The following ENOX1 variants were observed in gnomAD, a reference collection of about 807,000 sequenced individuals.
ENOX1 encodes candidate growth-related and time keeping constitutive hydroquinone (NADH) oxidase.
Under a neutral mutation model 82.5 loss-of-function variants are expected in ENOX1, and 42 were observed. The ratio of observed to expected loss-of-function variants is 0.51; its 90% confidence interval spans 0.40 to 0.66. The LOEUF is 0.66. Ranked by LOEUF, ENOX1 falls within the 30% of genes least tolerant of loss-of-function variation. ENOX1 has a pLI of 0.00. For synonymous variants in ENOX1, 271 were observed against 282.2 expected (o/e 0.96, Z 0.40); for missense variants, 608 against 811.6 (o/e 0.75, Z 3.05).
chr13:43,467,980 T>C (rs1340733965), intron 3 of ENOX1, among the ~76,000 whole-genome samples: 3 of 112,376 alleles, frequency 2.7e-5, no homozygotes, highest in African/African-American at 7.1e-5. Context: ...GCCACAGATA[T>C]AAGGTTTATT....
At chr13:43,443,611 C>T (rs1056829839) in intron 3 of ENOX1, among the ~76,000 whole-genome samples, 3 of 152,064 alleles carry the variant, frequency 2.0e-5, no homozygotes, top group Admixed American at 6.6e-5. Context: ...AGGACAGACA[C>T]GTATATAACT....
At position 43,610,757 on chromosome 13, in the gene ENOX1, T is replaced by G. The variant is rs958587067; in HGVS notation, c.-219+56722A>C. 2.4e-3 allele frequency among the ~76,000 whole-genome samples: 370 copies of G among 152,290 alleles called. 1 individual carries two copies. The highest frequency in any genetic ancestry group is 8.5e-3 in the African/African-American group (355 of 41,564). ...TTAAAACATTTCCCATAGTTTTTTT[T>G]TTTTTTCAGTTCAGTTTTATGACTT... On this transcript the variant is annotated intron_variant, in intron 2 of 16. Coordinates refer to ENST00000690772, the MANE Select transcript of ENOX1 (RefSeq NM_001347969.2).
chr13:43,598,889 A>C (rs1164663959), intron 2 of ENOX1, among the ~76,000 whole-genome samples: 1 of 152,204 alleles, frequency 6.6e-6, no homozygotes, highest in Non-Finnish European at 1.5e-5. Context: ...GAAACATGTT[A>C]TTCTGTCACA....
chr13:43,271,078 T>A (rs530217376), intron 12 of ENOX1, among the ~76,000 whole-genome samples: 1 of 152,238 alleles, frequency 6.6e-6, no homozygotes, highest in South Asian at 2.1e-4. Context: ...TAATGCCGAG[T>A]GAATTTTACT....
intron 1 of ENOX1, among the ~76,000 whole-genome samples, chr13:43,777,847 C>T (rs1013023262): frequency 6.6e-6 from 1 of 152,146 alleles, no homozygotes; most frequent in African/African-American, 2.4e-5. Flanking sequence ...TGTGAATCTA[C>T]AATTATCCCG....
intron 3 of ENOX1, among the ~76,000 whole-genome samples, chr13:43,481,586 C>A (rs1053649794): frequency 9.2e-5 from 14 of 152,168 alleles, no homozygotes; most frequent in African/African-American, 3.4e-4. Flanking sequence ...GGAAAAAGCT[C>A]CATATTTGGT....
chr13:43,711,509 A>G (rs1390693330), intron 1 of ENOX1, among the ~76,000 whole-genome samples: 1 of 152,162 alleles, frequency 6.6e-6, no homozygotes, highest in East Asian at 1.9e-4. Flanking sequence ...GACTTCCACA[A>G]TGGTTGAACT....
chr13:43,319,418 T>A (rs1360531054), intron 11 of ENOX1, among the ~76,000 whole-genome samples: 1 of 152,176 alleles, frequency 6.6e-6, no homozygotes, highest in Admixed American at 6.5e-5. Context: ...CAATGAAATA[T>A]TCTTCATAAC....
intron 11 of ENOX1, among the ~76,000 whole-genome samples, chr13:43,309,277 C>T (rs1191965597): frequency 6.6e-6 from 1 of 152,138 alleles, no homozygotes; most frequent in African/African-American, 2.4e-5. Flanking sequence ...CTACCTCGGC[C>T]TCCCAAAGTG....
intron 5 of ENOX1, among the ~76,000 whole-genome samples, chr13:43,400,294 C>T (rs2053421042): frequency 6.6e-6 from 1 of 152,188 alleles, no homozygotes; most frequent in South Asian, 2.1e-4. Flanking sequence ...CACTTATCCT[C>T]AGCAGATGCC....
intron 12 of ENOX1, 39 bp downstream of exon 12, chr13:43,298,307 C>T: frequency 6.7e-7 from 1 of 1,486,118 alleles, no homozygotes; most frequent in Non-Finnish European, 8.9e-7. Flanking sequence ...ACACATATCT[C>T]TTTCTCTCAA....
chr13:43,668,651 A>T (rs1373277704), intron 1 of ENOX1, among the ~76,000 whole-genome samples: 3 of 152,214 alleles, frequency 2.0e-5, no homozygotes, highest in Non-Finnish European at 4.4e-5. Flanking sequence ...CTGTGTAAAG[A>T]GCCCCAAAGT....
chr13:43,568,986 T>C (rs1366509553), intron 2 of ENOX1, among the ~76,000 whole-genome samples: 2 of 152,138 alleles, frequency 1.3e-5, no homozygotes, highest in Non-Finnish European at 2.9e-5. Flanking sequence ...GCTTGCAGCA[T>C]GTGTAGGTAA....
At chr13:43,330,120 C>T (rs1283142018) in intron 9 of ENOX1, among the ~76,000 whole-genome samples, 1 of 152,214 alleles carries the variant, frequency 6.6e-6, no homozygotes, top group Non-Finnish European at 1.5e-5. Context: ...CTGACTACCT[C>T]TCTGGTATAA....
chr13:43,609,171 T>C (rs1321051356), intron 2 of ENOX1, among the ~76,000 whole-genome samples: 1 of 152,200 alleles, frequency 6.6e-6, no homozygotes, highest in Non-Finnish European at 1.5e-5. Flanking sequence ...TGGATATACA[T>C]AGGTACTTCT....
intron 12 of ENOX1, 122 bp from the exon 13 acceptor site, chr13:43,269,699 A>C: frequency 1.4e-6 from 1 of 715,706 alleles, no homozygotes; most frequent in Admixed American, 2.2e-5. Flanking sequence ...CTTAATTCAG[A>C]CCTCAGTTGA....
At chr13:43,454,828 T>G (rs1331762896) in intron 3 of ENOX1, among the ~76,000 whole-genome samples, 2 of 147,082 alleles carry the variant, frequency 1.4e-5, no homozygotes, top group Non-Finnish European at 3.0e-5. Flanking sequence ...ACTATAGAAC[T>G]TATATTGAAA....
chr13:43,416,252 AGAGGT>A (rs2054531411), intron 3 of ENOX1, among the ~76,000 whole-genome samples: 1 of 141,556 alleles, frequency 7.1e-6, no homozygotes. Context: ...GTGGCCGGGC[AGAGGT>A]GCTCCCCATC....
At chr13:43,725,239 G>C (rs2088859680) in intron 1 of ENOX1, among the ~76,000 whole-genome samples, 2 of 152,126 alleles carry the variant, frequency 1.3e-5, no homozygotes, top group South Asian at 2.1e-4. Context: ...AAACCAAATA[G>C]GGTCTCCCTT....
Sources: allele counts gnomAD v4.1 joint callset (sites outside exome capture counted in the v4.1 genomes callset), GRCh38; gene constraint gnomAD v4.1.1; transcripts MANE v1.5; gene names NCBI Gene and HGNC (gene_info 2026-07-23, HGNC 2026-07-21).